CREB3L1: variants seen among roughly 807,000 people sequenced by gnomAD.
CREB3L1 encodes cyclic AMP-responsive element-binding protein 3-like protein 1.
CREB3L1 carries 33 observed loss-of-function variants against 54.5 expected under a neutral mutation model. The ratio of observed to expected loss-of-function variants is 0.61; its 90% CI spans 0.46 to 0.81. CREB3L1 has a LOEUF of 0.81. Ranked by LOEUF, CREB3L1 falls within the 30% of genes least tolerant of loss-of-function variation. The pLI is 0.00. For synonymous variants in CREB3L1, 284 were observed against 286.4 expected, an observed-to-expected ratio of 0.99 and a Z score of 0.08; for missense variants, 656 against 673.3, an observed-to-expected ratio of 0.97 and a Z score of 0.29.
Position 46,317,361 on chromosome 11 carries a change from G to T in CREB3L1, c.1132G>T (p.Val378Leu). The T allele has an allele frequency of 6.2e-7, 1 of 1,613,906 alleles. No homozygotes were observed. The highest frequency in any genetic ancestry group is 1.3e-5 in the African/African-American group (1 of 75,058). The change falls in exon 10 of 12, where the codon GTG becomes TTG. Residue 378 changes from valine (V) to leucine (L), a missense_variant and splice_region_variant. Transcript: ENST00000621158. ...GATGCCACTCTCTCTTTGCTACCAG[G>T]TGGCAGCCTTGTGCTTTGTTCTGGT... ...AATQTGTCLM[V>L]AALCFVLVLG...
In CREB3L1 at chr11:46,296,478, G is replaced by A. The variant is rs537004752; in HGVS notation, c.103-3457G>A. Among the ~76,000 whole-genome samples, 516 of 152,238 alleles carry A rather than the reference G, an allele frequency of 3.4e-3. 7 individuals carry two copies. Among genetic ancestry groups the A allele is most frequent in the African/African-American group, 0.012 (497 of 41,526 alleles). On this transcript the variant is annotated intron_variant, in intron 1 of 11. Coordinates refer to ENST00000621158, the MANE Select transcript of CREB3L1 (RefSeq NM_052854.4). ...TCTCTACTAAGAAATAGGAGGGGGG[G>A]AACGAGGGGCAGGGGACCGTCGGGG...
chr11:46,278,316 C>A lies in CREB3L1; in HGVS notation c.102+103C>A. The A allele has an allele frequency of 1.5e-6, 1 of 666,404 alleles. No homozygotes were observed. The highest frequency in any genetic ancestry group is 2.0e-5 in the South Asian group (1 of 49,848). 41.3% of individuals were successfully genotyped at this position (666,404 alleles called of 1,614,324 possible). On this transcript the variant is annotated intron_variant, in intron 1 of 11. Coordinates refer to ENST00000621158, the MANE Select transcript of CREB3L1 (RefSeq NM_052854.4). The surrounding 1 kb of genome is among the most constrained non-coding windows in gnomAD (Gnocchi z 4.2). The stretch of plus-strand genomic sequence containing the variant: ...CGACTACACATCACTGGGCAGGAGC[C>A]GGGGAGAGGGTTCAGCGCAGGGTCT...
At chr11:46,305,341 C>T (rs1489096108) in intron 2 of CREB3L1, among the ~76,000 whole-genome samples, 1 of 151,762 alleles carries the variant, frequency 6.6e-6, no homozygotes, top group Non-Finnish European at 1.5e-5. Context: ...CTCACTGCTC[C>T]CCACCGCTCC....
chr11:46,289,886 A>G (rs915891956), intron 1 of CREB3L1, among the ~76,000 whole-genome samples: 3 of 152,176 alleles, frequency 2.0e-5, no homozygotes, highest in African/African-American at 7.2e-5. Flanking sequence ...GGTGATGGTC[A>G]CCAGCTCCTC....
Position 46,307,956 on chromosome 11 carries a change from C to A in CREB3L1, c.472C>A (p.Leu158Met), listed in dbSNP as rs746052262. 9.6e-6 allele frequency: 15 copies of A among 1,566,960 alleles called. No homozygotes were observed. The South Asian group carries it at 1.8e-4, about 18-fold the overall frequency. ...CGCGGCCGCCATGGCCACCACCCCG[C>A]TGCTGGGCCTCAGCCCCTTGTCCAG... ...AAAAAMATTP[L>M]LGLSPLSRLP... The change falls in exon 3 of 12, where the codon CTG becomes ATG. Residue 158 changes from leucine to methionine, a missense_variant. By Grantham distance (15) the Leu-to-Met change is conservative. Coordinates refer to ENST00000621158, the MANE Select transcript of CREB3L1 (RefSeq NM_052854.4).
intron 8 of CREB3L1, among the ~76,000 whole-genome samples, chr11:46,314,462 C>A (rs1037961435): frequency 6.6e-6 from 1 of 152,006 alleles, no homozygotes; most frequent in Non-Finnish European, 1.5e-5. Flanking sequence ...TCATAGCTCA[C>A]TGCAGCCTCA....
At position 46,308,016 on chromosome 11, in the gene CREB3L1, G is replaced by A. The variant is rs1172951653; in HGVS notation, c.516+16G>A. The A allele has an allele frequency of 6.7e-7, 1 of 1,503,536 alleles. No homozygotes were observed. The highest frequency in any genetic ancestry group is 8.9e-7 in the Non-Finnish European group (1 of 1,124,522). The allele number at this position is 1,503,536 out of a possible 1,614,324, so 93.1% of individuals were successfully genotyped here. On this transcript the variant is annotated intron_variant, in intron 3 of 11. Coordinates refer to ENST00000621158, the MANE Select transcript of CREB3L1 (RefSeq NM_052854.4). Reference sequence around the variant, plus strand: ...CCCCCACCAGGTGAGCCTGGGAACTGTTTGTAGCGGCTGAGGGAGGGAGGA... The same window carrying A: ...CCCCCACCAGGTGAGCCTGGGAACTATTTGTAGCGGCTGAGGGAGGGAGGA...
rs144263134 is a variant in CREB3L1, at chr11:46,320,338, A to T, written c.1333A>T (p.Met445Leu). The T allele has an allele frequency of 1.9e-6, 3 of 1,612,660 alleles. No individual in the cohort carries two copies. The highest frequency in any genetic ancestry group is 1.7e-6 in the Non-Finnish European group (2 of 1,179,434). Reference sequence around the variant, plus strand: ...AGATGGCCGCAGCACCCTGCTGCCCATGGAGCCCCCAGATGGCTGGGAAAT... The same window carrying T: ...AGATGGCCGCAGCACCCTGCTGCCCTTGGAGCCCCCAGATGGCTGGGAAAT... ...WEDGRSTLLP[M>L]EPPDGWEINP... is the part of the protein sequence containing the mutation. The change falls in exon 11 of 12, where the codon ATG becomes TTG. Residue 445 changes from methionine (M) to leucine (L), a missense_variant. This residue lies in a region of CREB3L1 where 240 missense variants were observed against 219.8 expected (regional missense o/e 1.09). Coordinates refer to ENST00000621158, the MANE Select transcript of CREB3L1 (RefSeq NM_052854.4).
intron 1 of CREB3L1, among the ~76,000 whole-genome samples, chr11:46,299,646 C>T (rs1405927693): frequency 6.6e-6 from 1 of 152,166 alleles, no homozygotes; most frequent in East Asian, 1.9e-4. Context: ...AGTTTTTGAT[C>T]CCATCCTGAG....
At position 46,300,082 on chromosome 11, in the gene CREB3L1, G is replaced by T; in HGVS notation, c.250G>T (p.Ala84Ser). 6.2e-7 allele frequency: 1 copy of T among 1,613,902 alleles called. No homozygotes were observed. The highest frequency in any genetic ancestry group is 8.5e-7 in the Non-Finnish European group (1 of 1,179,850). Residue 84 changes from alanine to serine, a missense_variant, in exon 2 of 12, where the codon GCG (alanine) becomes TCG (serine). By Grantham distance (99) the Ala-to-Ser change is moderately conservative (BLOSUM62 1). Around this residue, in one of 3 missense-constraint regions of CREB3L1, gnomAD observed 339 missense variants for 331.5 expected, o/e 1.02. Coordinates refer to ENST00000621158, the MANE Select transcript of CREB3L1 (RefSeq NM_052854.4). ...GGACTCCCCTACGCCAGGCATCCAG[G>T]CGGAGCACAGCTACTCCCTGAGCGG... is the stretch of plus-strand genomic sequence containing the variant. ...ELDSPTPGIQAEHSYSLSGDS... is the reference protein window; with the variant it reads ...ELDSPTPGIQSEHSYSLSGDS...
rs1399836155 is a variant in CREB3L1, at chr11:46,300,635, G to A, written c.331+472G>A. On this transcript the variant is annotated intron_variant, in intron 2 of 11. Coordinates refer to ENST00000621158, the MANE Select transcript of CREB3L1 (RefSeq NM_052854.4). ...TGTAATCCCTGCACATTGGGAGGCC[G>A]AGGCAGGTGGATCACCCGAGGTCAG... Among the ~76,000 whole-genome samples, 4 of 152,268 alleles carry A rather than the reference G, an allele frequency of 2.6e-5. No homozygotes were observed. The East Asian group carries it at 7.7e-4, about 29-fold the overall frequency.
At position 46,320,787 on chromosome 11, in the gene CREB3L1, C is replaced by A; in HGVS notation, c.*41C>A. 1 of 1,600,832 alleles carries A rather than the reference C, an allele frequency of 6.2e-7. No individual in the cohort carries two copies. Among genetic ancestry groups the A allele is most frequent in the Non-Finnish European group, 8.5e-7 (1 of 1,172,672 alleles). On this transcript the variant is annotated 3_prime_UTR_variant, in exon 12 of 12. Coordinates refer to ENST00000621158, the MANE Select transcript of CREB3L1 (RefSeq NM_052854.4). The stretch of plus-strand genomic sequence containing the variant: ...AGGACATAGGACGGACCCCTGGTAC[C>A]CAGAAGAGGAGTTCTTGCTCACTAA...
At chr11:46,317,153 T>C (rs1239368729) in intron 9 of CREB3L1, among the ~76,000 whole-genome samples, 1 of 152,180 alleles carries the variant, frequency 6.6e-6, no homozygotes, top group African/African-American at 2.4e-5. Context: ...CCCCCTACAA[T>C]GGGCTGGGAT....
chr11:46,318,630 G>T (rs1939602571), intron 10 of CREB3L1, among the ~76,000 whole-genome samples: 1 of 152,184 alleles, frequency 6.6e-6, no homozygotes, highest in Admixed American at 6.5e-5. Flanking sequence ...CCAGGGTAGG[G>T]CCCAGCAAAG....
At chr11:46,298,204 C>T (rs1939241328) in intron 1 of CREB3L1, among the ~76,000 whole-genome samples, 1 of 152,184 alleles carries the variant, frequency 6.6e-6, no homozygotes, top group African/African-American at 2.4e-5. Flanking sequence ...CTTCTCTGCT[C>T]ATTACCTTCC....
At chr11:46,293,280 G>A (rs531257052) in intron 1 of CREB3L1, among the ~76,000 whole-genome samples, 45 of 152,346 alleles carry the variant, frequency 3.0e-4, no homozygotes, top group Non-Finnish European at 5.3e-4. Flanking sequence ...TGCCCTCGGA[G>A]GTGCCAGACA....
At chr11:46,305,621 TA>T in intron 2 of CREB3L1, among the ~76,000 whole-genome samples, 1 of 119,684 alleles carries the variant, frequency 8.4e-6, no homozygotes, top group East Asian at 2.1e-4. Context: ...TGTGTGTGTA[TA>T]TATATGTATA....
Position 46,299,966 on chromosome 11 carries a change from A to G in CREB3L1, c.134A>G (p.Glu45Gly). Residue 45 changes from glutamate (E) to glycine (G), a missense_variant, in exon 2 of 12, where the codon GAG becomes GGG. Transcript: ENST00000621158. Reference protein sequence around the residue: ...HFPEHLDHFTENMEDFSNDLF... With the variant: ...HFPEHLDHFTGNMEDFSNDLF... Reference sequence around the variant, plus strand: ...CCTGAGCACCTGGACCACTTTACGGAGAACATGGAGGACTTCTCCAATGAC... The same window carrying G: ...CCTGAGCACCTGGACCACTTTACGGGGAACATGGAGGACTTCTCCAATGAC... The G allele has an allele frequency of 1.2e-6, 2 of 1,613,894 alleles. No homozygotes were observed. The highest frequency in any genetic ancestry group is 2.2e-5 in the East Asian group (1 of 44,878).
At position 46,320,403 on chromosome 11, in the gene CREB3L1, C is replaced by A. The variant is rs995944617; in HGVS notation, c.1398C>A (p.His466Gln). ...GGPAEQRPRDHLQHDHLDSTH... is the reference protein window; with the variant it reads ...GGPAEQRPRDQLQHDHLDSTH... ...CGGCAGAGCAGCGGCCCCGGGACCA[C>A]CTGCAGCATGATCACCTGGACAGCA... The change falls in exon 11 of 12, where the codon CAC becomes CAA. Residue 466 changes from histidine to glutamine, a missense_variant. By Grantham distance (24) the His-to-Gln change is conservative. Coordinates refer to ENST00000621158, the MANE Select transcript of CREB3L1 (RefSeq NM_052854.4). 1 of 1,611,116 alleles carries A rather than the reference C, an allele frequency of 6.2e-7. No individual in the cohort carries two copies. Among genetic ancestry groups the A allele is most frequent in the African/African-American group, 1.3e-5 (1 of 74,848 alleles).
Sources: allele counts gnomAD v4.1 joint callset (sites outside exome capture counted in the v4.1 genomes callset), GRCh38; gene constraint gnomAD v4.1.1; regional missense constraint gnomAD v4.1.1; non-coding constraint Gnocchi (gnomAD v3.1); transcripts MANE v1.5; gene names NCBI Gene and HGNC (gene_info 2026-07-23, HGNC 2026-07-21).